The following LYPD6B variants were observed in gnomAD, a reference collection of about 807,000 sequenced individuals.
LYPD6B encodes LY6/PLAUR domain containing 6B.
In LYPD6B, 17 loss-of-function variants were observed where a neutral mutation model predicts 22.8. The observed-to-expected ratio is 0.75, with a 90% CI of 0.51 to 1.12. The LOEUF is 1.12. LYPD6B is among the 50% of genes most tolerant of loss of function. The pLI is 0.00. For synonymous variants in LYPD6B, 106 were observed against 91.6 expected (o/e 1.16, Z -0.90); for missense variants, 221 against 258.3 (o/e 0.86, Z 0.99).
At chr2:149,167,896 TTTTTTGTTTTTG>T (rs1339170660) in intron 3 of LYPD6B, among the ~76,000 whole-genome samples, 1 of 152,096 alleles carries the variant, frequency 6.6e-6, no homozygotes, top group African/African-American at 2.4e-5. Flanking sequence ...TTTTTTTATG[TTTTTTGTTTTTG>T]TTTTTGTTTT....
At chr2:149,124,763 G>A (rs1275707509) in intron 1 of LYPD6B, among the ~76,000 whole-genome samples, 1 of 152,008 alleles carries the variant, frequency 6.6e-6, no homozygotes, top group Non-Finnish European at 1.5e-5. Flanking sequence ...CTTGCTTTAG[G>A]ATTACGTAAA....
intron 3 of LYPD6B, among the ~76,000 whole-genome samples, chr2:149,166,382 A>G (rs1690422578): frequency 6.6e-6 from 1 of 152,170 alleles, no homozygotes; most frequent in South Asian, 2.1e-4. Context: ...TAGTACCAAT[A>G]TGAGTTACAA....
intron 5 of LYPD6B, among the ~76,000 whole-genome samples, chr2:149,209,671 A>G (rs1693721151): frequency 1.3e-5 from 2 of 152,226 alleles, no homozygotes; most frequent in Admixed American, 1.3e-4. Flanking sequence ...ATACTAATCC[A>G]ATAAATACAT....
In LYPD6B at chr2:149,106,372, T is replaced by C. The variant is rs1040103430; in HGVS notation, c.-66-24511T>C. 5.9e-5 allele frequency among the ~76,000 whole-genome samples: 9 copies of C among 152,286 alleles called. No homozygotes were observed. In the East Asian group the frequency reaches 1.5e-3, roughly 26 times the overall value. On this transcript the variant is annotated intron_variant, in intron 1 of 6. Transcript: ENST00000409642. ...GTTGGTATTATTTCTTCCTTACATT[T>C]GGTAGAATTTGCCAGTGAAGACATC...
Position 149,214,637 on chromosome 2 carries a change from G to A in LYPD6B, c.551G>A (p.Arg184Lys), listed in dbSNP as rs1415322740. Residue 184 changes from arginine to lysine, a missense_variant, in exon 7 of 7, where the codon AGA (arginine) becomes AAA (lysine). Arg to Lys is a conservative substitution (Grantham distance 26). Coordinates refer to ENST00000409642, the MANE Select transcript of LYPD6B (RefSeq NM_177964.5). ...NAVFAVMHAQ[R>K]TSGSSAPTLY... ...GTGTTTGCCGTAATGCACGCTCAGA[G>A]AACATCTGGCAGCAGTGCCCCCACA... 1 of 1,613,970 alleles carries A rather than the reference G, an allele frequency of 6.2e-7. No homozygotes were observed. The highest frequency in any genetic ancestry group is 2.2e-5 in the East Asian group (1 of 44,856).
At chr2:149,040,700 A>C (rs547154051) in intron 1 of LYPD6B, among the ~76,000 whole-genome samples, 5 of 152,314 alleles carry the variant, frequency 3.3e-5, no homozygotes, top group Admixed American at 6.5e-5. Context: ...GAAGTCTGAC[A>C]AAACAGGACA....
intron 3 of LYPD6B, among the ~76,000 whole-genome samples, chr2:149,168,374 C>T (rs1008552878): frequency 1.3e-5 from 2 of 152,136 alleles, no homozygotes; most frequent in Non-Finnish European, 2.9e-5. Flanking sequence ...GCAACGTTCT[C>T]ATAATCCTCA....
chr2:149,140,086 T>C (rs1230269430), intron 2 of LYPD6B, among the ~76,000 whole-genome samples: 1 of 152,186 alleles, frequency 6.6e-6, no homozygotes, highest in African/African-American at 2.4e-5. Context: ...GACACCAGGC[T>C]GTGTATAAAT....
chr2:149,203,272 C>T (rs781245778), intron 3 of LYPD6B, among the ~76,000 whole-genome samples: 1 of 152,140 alleles, frequency 6.6e-6, no homozygotes, highest in South Asian at 2.1e-4. Context: ...ATGTAGATAA[C>T]GTGACACTGA....
At chr2:149,141,159 C>G (rs6747957) in intron 2 of LYPD6B, among the ~76,000 whole-genome samples, 2,601 of 152,168 alleles carry the variant, frequency 0.017, 75 homozygotes, top group African/African-American at 0.059. Flanking sequence ...CTTTAGATAA[C>G]CTGGTCAGGG....
chr2:149,214,639 A>C lies in LYPD6B; in HGVS notation c.553A>C (p.Thr185Pro), dbSNP rs1694081354. The C allele has an allele frequency of 6.2e-7, 1 of 1,613,964 alleles. No homozygotes were observed. Among genetic ancestry groups the C allele is most frequent in the Non-Finnish European group, 8.5e-7 (1 of 1,179,862 alleles). ...AVFAVMHAQR[T>P]SGSSAPTLYL... ...GTTTGCCGTAATGCACGCTCAGAGAACATCTGGCAGCAGTGCCCCCACACT... is the reference window on the plus strand; with the variant it reads ...GTTTGCCGTAATGCACGCTCAGAGACCATCTGGCAGCAGTGCCCCCACACT... The change falls in exon 7 of 7, where the codon ACA becomes CCA. Residue 185 changes from threonine (T) to proline (P), a missense_variant. Coordinates refer to ENST00000409642, the MANE Select transcript of LYPD6B (RefSeq NM_177964.5).
At chr2:149,160,712 G>T in intron 2 of LYPD6B, 52 bp from the exon 3 acceptor site, 1 of 1,258,392 alleles carries the variant, frequency 7.9e-7, no homozygotes, top group South Asian at 1.3e-5. Context: ...GTTCAAGAAC[G>T]TTACTCATCG....
At chr2:149,128,158 T>C (rs1687814651) in intron 1 of LYPD6B, among the ~76,000 whole-genome samples, 1 of 152,240 alleles carries the variant, frequency 6.6e-6, no homozygotes, top group Admixed American at 6.5e-5. Context: ...GAAATGATGT[T>C]GCCATCATTT....
At chr2:149,085,365 G>A (rs150346861) in intron 1 of LYPD6B, among the ~76,000 whole-genome samples, 5 of 152,326 alleles carry the variant, frequency 3.3e-5, no homozygotes, top group African/African-American at 9.6e-5. Context: ...TTCACCCTGC[G>A]TTGGTGGCAA....
At chr2:149,159,988 T>C (rs1397885216) in intron 2 of LYPD6B, among the ~76,000 whole-genome samples, 2 of 151,974 alleles carry the variant, frequency 1.3e-5, no homozygotes, top group Non-Finnish European at 2.9e-5. Flanking sequence ...AGTTGATGTA[T>C]AAAATTAGCT....
intron 1 of LYPD6B, among the ~76,000 whole-genome samples, chr2:149,103,441 G>A (rs563464658): frequency 3.9e-5 from 6 of 152,250 alleles, no homozygotes; most frequent in East Asian, 1.9e-4. Context: ...AAAGGGCACC[G>A]TCAAATAGGC....
At chr2:149,124,726 T>C (rs148560798) in intron 1 of LYPD6B, among the ~76,000 whole-genome samples, 47 of 152,320 alleles carry the variant, frequency 3.1e-4, no homozygotes, top group East Asian at 1.9e-3. Flanking sequence ...GCATTTTTTT[T>C]CCCCGGCCAA....
intron 5 of LYPD6B, among the ~76,000 whole-genome samples, chr2:149,211,868 G>T (rs2106179195): frequency 6.6e-6 from 1 of 151,978 alleles, no homozygotes; most frequent in South Asian, 2.1e-4. Flanking sequence ...CTTCTTCAAA[G>T]AACCCTAAGT....
At chr2:149,112,264 T>C (rs1034244629) in intron 1 of LYPD6B, among the ~76,000 whole-genome samples, 24 of 152,190 alleles carry the variant, frequency 1.6e-4, no homozygotes, top group African/African-American at 5.5e-4. Flanking sequence ...TGAGTGGACC[T>C]TGGTATGGAG....
Sources: allele counts gnomAD v4.1 joint callset (sites outside exome capture counted in the v4.1 genomes callset), GRCh38; gene constraint gnomAD v4.1.1; transcripts MANE v1.5; gene names NCBI Gene and HGNC (gene_info 2026-07-23, HGNC 2026-07-21).